The following NAPEPLD variants were observed in gnomAD, a reference collection of about 807,000 sequenced individuals.
NAPEPLD encodes the protein N-acyl-phosphatidylethanolamine-hydrolyzing phospholipase D.
Under a neutral mutation model 38.1 loss-of-function variants are expected in NAPEPLD, and 23 were observed. That is an observed-to-expected ratio of 0.60 (90% CI 0.43 to 0.86). NAPEPLD has a LOEUF of 0.86. NAPEPLD is among the 40% of genes least tolerant of loss of function. The pLI is 0.00. For synonymous variants in NAPEPLD, 147 were observed against 162.0 expected (o/e 0.91, Z 0.71); for missense variants, 411 against 476.8 (o/e 0.86, Z 1.28).
intron 3 of NAPEPLD, among the ~76,000 whole-genome samples, chr7:103,117,173 T>C (rs1030899451): frequency 3.3e-5 from 5 of 152,172 alleles, no homozygotes; most frequent in African/African-American, 1.2e-4. Flanking sequence ...CTTCCACACT[T>C]TACAGAAGAC....
At chr7:103,141,018 TA>T (rs1373574324) in intron 1 of NAPEPLD, among the ~76,000 whole-genome samples, 1 of 152,078 alleles carries the variant, frequency 6.6e-6, no homozygotes, top group African/African-American at 2.4e-5. Flanking sequence ...AAGTTTCCCC[TA>T]AAGCATTTCA....
At chr7:103,129,700 C>T (rs1383906072) in intron 1 of NAPEPLD, among the ~76,000 whole-genome samples, 1 of 152,190 alleles carries the variant, frequency 6.6e-6, no homozygotes, top group Non-Finnish European at 1.5e-5. Flanking sequence ...TATATGAGAA[C>T]TGCCAAGTCA....
Position 103,107,759 on chromosome 7 carries a change from C to T in NAPEPLD, c.1057-4205G>A, listed in dbSNP as rs942135422. On this transcript the variant is annotated intron_variant, in intron 4 of 4. Coordinates refer to ENST00000465647, the MANE Select transcript of NAPEPLD (RefSeq NM_001122838.3). The stretch of plus-strand genomic sequence containing the variant: ...AGAAATATGTGACTATGTGAAAAGA[C>T]CAAATCTACACGATTGGTGTACCTG... Among the ~76,000 whole-genome samples, 20 of 4,644 alleles carry T rather than the reference C, an allele frequency of 4.3e-3. No individual in the cohort carries two copies. In the Non-Finnish European group the frequency reaches 0.1, roughly 23 times the overall value. The allele number at this position is 4,644 out of a possible 152,430, so 3.0% of individuals were successfully genotyped here. A position where few individuals can be genotyped will look rare whatever the true frequency, so the allele number is the denominator to read the frequency against.
chr7:103,128,420 C>T, intron 2 of NAPEPLD, 63 bp downstream of exon 2: 1 of 1,570,066 alleles, frequency 6.4e-7, no homozygotes, highest in Non-Finnish European at 8.7e-7. Context: ...TACAAGGGCT[C>T]AAATAACTAG....
At chr7:103,141,192 G>A (rs1163739552) in intron 1 of NAPEPLD, among the ~76,000 whole-genome samples, 1 of 146,910 alleles carries the variant, frequency 6.8e-6, no homozygotes, top group African/African-American at 2.5e-5. Context: ...GTCCACATGG[G>A]TACAAGCCCT....
intron 4 of NAPEPLD, among the ~76,000 whole-genome samples, chr7:103,104,548 C>A (rs1563342670): frequency 1.3e-5 from 2 of 152,202 alleles, no homozygotes; most frequent in African/African-American, 4.8e-5. Flanking sequence ...CACAGGTCAT[C>A]CTTTTCCCCC....
In NAPEPLD at chr7:103,120,043, A is replaced by G; in HGVS notation, c.475T>C (p.Tyr159His). Residue 159 changes from tyrosine to histidine, a missense_variant, in exon 3 of 5, where the codon TAC (tyrosine) becomes CAC (histidine). Transcript: ENST00000465647. The stretch of plus-strand genomic sequence containing the variant: ...CGACGAAATCGCTTTGGACCCATGT[A>G]CTGCGATGGTGAAGCACGAGAGCTA... ...IFSSRASPSQ[Y>H]MGPKRFRRSP... The G allele has an allele frequency of 6.2e-7, 1 of 1,614,194 alleles. No individual in the cohort carries two copies. The highest frequency in any genetic ancestry group is 8.5e-7 in the Non-Finnish European group (1 of 1,180,034).
At chr7:103,115,479 C>A (rs1372498499) in intron 3 of NAPEPLD, 1 of 232,602 alleles carries the variant, frequency 4.3e-6, no homozygotes, top group African/African-American at 2.3e-5. Flanking sequence ...CTTTCTTGTA[C>A]AAATTGCTAT....
intron 1 of NAPEPLD, chr7:103,141,422 T>A: frequency 1.1e-6 from 1 of 877,010 alleles, no homozygotes. Context: ...GTGCTCTTCA[T>A]AGCTCTTGTG....
chr7:103,149,141 G>A, upstream of NAPEPLD: 2 of 987,218 alleles, frequency 2.0e-6, no homozygotes, highest in Middle Eastern at 5.2e-4. Context: ...CAGCAGAGAG[G>A]TCACAGAGCA....
At chr7:103,119,545 A>G (rs758604200) in intron 3 of NAPEPLD, 32 bp downstream of exon 3, 1 of 1,571,094 alleles carries the variant, frequency 6.4e-7, no homozygotes, top group South Asian at 1.2e-5. Context: ...TTTATCACAT[A>G]GCAGGAATGT....
At chr7:103,111,385 C>T (rs957566684) in intron 4 of NAPEPLD, among the ~76,000 whole-genome samples, 3 of 152,312 alleles carry the variant, frequency 2.0e-5, no homozygotes, top group Admixed American at 2.0e-4. Flanking sequence ...GTAATCAAAA[C>T]AGCATGGTAC....
rs149616776 is a variant in NAPEPLD, at chr7:103,108,902, C to T, written c.1057-5348G>A. ...AATAAAGGGATGGAGGAATACTTACCAAGCAAATGGAAAGCAAAAAAAAGC... is the reference window on the plus strand; with the variant it reads ...AATAAAGGGATGGAGGAATACTTACTAAGCAAATGGAAAGCAAAAAAAAGC... On this transcript the variant is annotated intron_variant, in intron 4 of 4. Coordinates refer to ENST00000465647, the MANE Select transcript of NAPEPLD (RefSeq NM_001122838.3). Among the ~76,000 whole-genome samples the T allele has an allele frequency of 3.2e-4, 48 of 152,084 alleles. No homozygotes were observed. In the East Asian group the frequency reaches 9.1e-3, roughly 29 times the overall value.
In NAPEPLD at chr7:103,100,749, A is replaced by T. The variant is rs983749644; in HGVS notation, c.*2680T>A. On this transcript the variant is annotated 3_prime_UTR_variant, in exon 5 of 5. Coordinates refer to ENST00000465647, the MANE Select transcript of NAPEPLD (RefSeq NM_001122838.3). ...GAGAATGGATTTGTCTTATTTTTCA[A>T]AATTTGTTTTCACTTTGCACATAAA... 10 of 152,370 alleles carry T rather than the reference A, an allele frequency of 6.6e-5. No homozygotes were observed. The highest frequency in any genetic ancestry group is 2.2e-4 in the African/African-American group (9 of 41,598). 9.4% of individuals were successfully genotyped at this position (152,370 alleles called of 1,614,324 possible).
At position 103,115,142 on chromosome 7, in the gene NAPEPLD, TCTGGG is replaced by T; in HGVS notation, c.969_973del (p.Asp323GlufsTer9). ...ATCAGTGTGAATCCTTACAGCTTCTTCTGGGTCTACATGCTGGTATTTCATAAACC... is the reference window on the plus strand; with the variant it reads ...ATCAGTGTGAATCCTTACAGCTTCTTTCTACATGCTGGTATTTCATAAACC... On this transcript the variant is annotated frameshift_variant, in exon 4 of 5. Transcript: ENST00000465647. LOFTEE classifies it high-confidence loss of function. 1 of 1,613,996 alleles carries T rather than the reference TCTGGG, an allele frequency of 6.2e-7. No homozygotes were observed. Among genetic ancestry groups the T allele is most frequent in the Non-Finnish European group, 8.5e-7 (1 of 1,179,946 alleles).
chr7:103,123,438 G>C (rs1458783432), intron 2 of NAPEPLD, among the ~76,000 whole-genome samples: 1 of 152,166 alleles, frequency 6.6e-6, no homozygotes, highest in Admixed American at 6.5e-5. Context: ...TACTTATCCA[G>C]AATTAATGAG....
chr7:103,149,016 AGGGAGGGCTC>A lies in NAPEPLD; in HGVS notation c.-232_-223del. The A allele has an allele frequency of 2.0e-6, 2 of 985,322 alleles. No individual in the cohort carries two copies. Among genetic ancestry groups the A allele is most frequent in the South Asian group, 9.4e-5 (2 of 21,264 alleles). The allele number at this position is 985,322 out of a possible 1,614,324, so 61.0% of individuals were successfully genotyped here. A position where few individuals can be genotyped will look rare whatever the true frequency, so the allele number is the denominator to read the frequency against. On this transcript the variant is annotated 5_prime_UTR_variant, in exon 1 of 5. Coordinates refer to ENST00000465647, the MANE Select transcript of NAPEPLD (RefSeq NM_001122838.3). Reference sequence around the variant, plus strand: ...TCACAAGTGCGGCATCTCCGAGATGAGGGAGGGCTCGGGGACGGGAAACCCACTCTCAGCC... The same window carrying A: ...TCACAAGTGCGGCATCTCCGAGATGAGGGGACGGGAAACCCACTCTCAGCC...
At chr7:103,107,370 G>C (rs1803579427) in intron 4 of NAPEPLD, among the ~76,000 whole-genome samples, 1 of 152,044 alleles carries the variant, frequency 6.6e-6, no homozygotes, top group Non-Finnish European at 1.5e-5. Context: ...CTCCTCACCA[G>C]CAAGGGAAGA....
At chr7:103,106,691 G>C (rs1487580812) in intron 4 of NAPEPLD, among the ~76,000 whole-genome samples, 1 of 149,558 alleles carries the variant, frequency 6.7e-6, no homozygotes, top group Non-Finnish European at 1.5e-5. Flanking sequence ...CAGCCAGACT[G>C]CCTCTCTAGA....
Sources: allele counts gnomAD v4.1 joint callset (sites outside exome capture counted in the v4.1 genomes callset), GRCh38; gene constraint gnomAD v4.1.1; transcripts MANE v1.5; gene names NCBI Gene and HGNC (gene_info 2026-07-23, HGNC 2026-07-21).